KCNQ5: variants seen among roughly 807,000 people sequenced by gnomAD.
The protein encoded by KCNQ5 is potassium voltage-gated channel subfamily Q member 5, also known as potassium voltage-gated channel subfamily KQT member 5.
A neutral mutation model predicts 98.2 loss-of-function variants in KCNQ5; 30 were observed. The ratio of observed to expected loss-of-function variants is 0.31; its 90% CI spans 0.23 to 0.41. KCNQ5 has a LOEUF of 0.41. Ranked by LOEUF, KCNQ5 falls within the 10% of genes least tolerant of loss-of-function variation. The pLI is 1.00. For missense variants in KCNQ5, 835 were observed against 1,182.5 expected, an observed-to-expected ratio of 0.71 and a Z score of 4.31; for synonymous variants, 458 against 449.4, an observed-to-expected ratio of 1.02 and a Z score of -0.24.
intron 1 of KCNQ5, among the ~76,000 whole-genome samples, chr6:72,636,195 G>A (rs182018491): frequency 6.6e-6 from 1 of 152,070 alleles, no homozygotes; most frequent in Non-Finnish European, 1.5e-5. Flanking sequence ...ATATAAAAAT[G>A]CACAATAAAG....
At chr6:72,752,945 G>T (rs952404311) in intron 1 of KCNQ5, among the ~76,000 whole-genome samples, 20 of 152,176 alleles carry the variant, frequency 1.3e-4, no homozygotes, top group Non-Finnish European at 7.4e-5. Context: ...CCAAGAGACA[G>T]GAAATATTGT....
intron 1 of KCNQ5, among the ~76,000 whole-genome samples, chr6:72,768,286 G>A (rs1214601051): frequency 1.3e-5 from 2 of 151,722 alleles, no homozygotes; most frequent in Non-Finnish European, 2.9e-5. Context: ...TTGGTGGCCT[G>A]GAAACAATTG....
intron 1 of KCNQ5, among the ~76,000 whole-genome samples, chr6:72,823,787 A>G (rs772279776): frequency 2.6e-5 from 4 of 152,172 alleles, no homozygotes; most frequent in Non-Finnish European, 5.9e-5. Context: ...GTGAAAAAAA[A>G]TTCCGAATTA....
At chr6:72,742,318 T>A (rs1771169766) in intron 1 of KCNQ5, among the ~76,000 whole-genome samples, 1 of 152,246 alleles carries the variant, frequency 6.6e-6, no homozygotes, top group African/African-American at 2.4e-5. Context: ...AGTGAAACTT[T>A]CCTTGTGTAA....
rs927771696 is a variant in KCNQ5, at chr6:72,686,806, G to C, written c.398+64219G>C. ...TATGAGATAAGAATCCAATATCTTT[G>C]TTTGATTTTATTGTTTTGTTCCTTC... On this transcript the variant is annotated intron_variant, in intron 1 of 13. Coordinates refer to ENST00000370398, the MANE Select transcript of KCNQ5 (RefSeq NM_019842.4). Among the ~76,000 whole-genome samples, 6 of 132,908 alleles carry C rather than the reference G, an allele frequency of 4.5e-5. No individual in the cohort carries two copies. The East Asian group carries it at 1.4e-3, about 32-fold the overall frequency. 87.2% of individuals were successfully genotyped at this position (132,908 alleles called of 152,430 possible).
intron 10 of KCNQ5, among the ~76,000 whole-genome samples, chr6:73,148,837 T>A (rs1454316947): frequency 6.7e-6 from 1 of 148,936 alleles, no homozygotes; most frequent in Non-Finnish European, 1.5e-5. Flanking sequence ...CTGCCCTTGC[T>A]CTCTTAGGAC....
chr6:73,037,886 TAA>T (rs1191226252), intron 2 of KCNQ5, among the ~76,000 whole-genome samples: 5 of 152,132 alleles, frequency 3.3e-5, no homozygotes, highest in African/African-American at 9.6e-5. Context: ...AATTTTAAAA[TAA>T]GTTTGTATCT....
Position 73,197,807 on chromosome 6 carries a change from G to A in KCNQ5, c.*2393G>A, listed in dbSNP as rs1311237933. The A allele has an allele frequency of 6.6e-6, 1 of 152,226 alleles. No individual in the cohort carries two copies. The highest frequency in any genetic ancestry group is 2.4e-5 in the African/African-American group (1 of 41,410). 9.4% of individuals were successfully genotyped at this position (152,226 alleles called of 1,614,324 possible). A position where few individuals can be genotyped will look rare whatever the true frequency, so the allele number is the denominator to read the frequency against. On this transcript the variant is annotated 3_prime_UTR_variant, in exon 14 of 14. Coordinates refer to ENST00000370398, the MANE Select transcript of KCNQ5 (RefSeq NM_019842.4). ...GGCAGCAGGAATTCTGAATGTATTG[G>A]GGACCCCTCCTTAGGCCTCGTTAAG...
intron 3 of KCNQ5, chr6:73,055,209 CA>C (rs1223230599): frequency 1.8e-6 from 2 of 1,088,728 alleles, no homozygotes; most frequent in East Asian, 4.7e-5. Flanking sequence ...CATGAGGCGG[CA>C]AAGCAGGCAC....
chr6:72,860,948 T>C (rs1777740742), intron 1 of KCNQ5, among the ~76,000 whole-genome samples: 1 of 152,068 alleles, frequency 6.6e-6, no homozygotes, highest in Non-Finnish European at 1.5e-5. Context: ...CCTTTGATTG[T>C]TATGTTTTGT....
At chr6:72,785,915 G>T (rs1773715646) in intron 1 of KCNQ5, among the ~76,000 whole-genome samples, 1 of 151,998 alleles carries the variant, frequency 6.6e-6, no homozygotes, top group Non-Finnish European at 1.5e-5. Flanking sequence ...CATAAACCCT[G>T]GGTTTAGGAC....
chr6:73,037,975 A>C (rs988673644), intron 2 of KCNQ5, among the ~76,000 whole-genome samples: 19 of 152,252 alleles, frequency 1.2e-4, no homozygotes, highest in African/African-American at 4.6e-4. Flanking sequence ...AAGAATTGAC[A>C]TCTTTGCTAT....
At chr6:72,730,577 T>C (rs975783785) in intron 1 of KCNQ5, among the ~76,000 whole-genome samples, 1 of 152,216 alleles carries the variant, frequency 6.6e-6, no homozygotes, top group Admixed American at 6.5e-5. Flanking sequence ...ATAGCTCATC[T>C]TTTCTATACA....
In KCNQ5 at chr6:72,968,148, ACACT is replaced by A. The variant is rs537720521; in HGVS notation, c.399-35756_399-35753del. 1.2e-4 allele frequency among the ~76,000 whole-genome samples: 19 copies of A among 152,294 alleles called. No homozygotes were observed. In the East Asian group the frequency reaches 3.5e-3, roughly 28 times the overall value. Reference sequence around the variant, plus strand: ...CACACACAAACATACAAACACACACACACTCACAGTGTCTCAGAAGTTCTGCAAC... The same window carrying A: ...CACACACAAACATACAAACACACACACACAGTGTCTCAGAAGTTCTGCAAC... On this transcript the variant is annotated intron_variant, in intron 1 of 13. Coordinates refer to ENST00000370398, the MANE Select transcript of KCNQ5 (RefSeq NM_019842.4).
chr6:72,676,741 TATAA>T (rs1767429500), intron 1 of KCNQ5, among the ~76,000 whole-genome samples: 1 of 119,846 alleles, frequency 8.3e-6, no homozygotes, highest in Admixed American at 8.0e-5. Flanking sequence ...AATCTGGGCA[TATAA>T]AATGCTGATT....
intron 1 of KCNQ5, among the ~76,000 whole-genome samples, chr6:72,877,227 C>A (rs371728029): frequency 6.6e-6 from 1 of 152,184 alleles, no homozygotes; most frequent in South Asian, 2.1e-4. Flanking sequence ...CCCGACCCCC[C>A]CGACAGGCCC....
intron 1 of KCNQ5, among the ~76,000 whole-genome samples, chr6:72,813,563 C>T (rs1011482257): frequency 3.3e-5 from 5 of 152,042 alleles, no homozygotes; most frequent in Non-Finnish European, 7.4e-5. Flanking sequence ...CCTCATGTAC[C>T]ACCTTTTAAA....
At chr6:73,015,123 A>T (rs918991281) in intron 2 of KCNQ5, among the ~76,000 whole-genome samples, 2 of 152,130 alleles carry the variant, frequency 1.3e-5, no homozygotes. Context: ...GCAGTAACGC[A>T]GTATGAGATA....
chr6:72,699,106 G>C (rs1768666982), intron 1 of KCNQ5, among the ~76,000 whole-genome samples: 1 of 152,082 alleles, frequency 6.6e-6, no homozygotes. Flanking sequence ...GAATCTTATA[G>C]ATAAGGATGG....
Sources: gnomAD v4.1 joint callset for allele counts (sites outside exome capture counted in the v4.1 genomes callset) on GRCh38, gnomAD v4.1.1 for gene constraint, MANE v1.5 for transcripts, NCBI Gene and HGNC (gene_info 2026-07-23, HGNC 2026-07-21) for gene names.